The following TRABD2B variants were observed in gnomAD, a reference collection of about 807,000 sequenced individuals.
The protein encoded by TRABD2B is metalloprotease TIKI2.
TRABD2B carries 14 observed loss-of-function variants against 40.1 expected under a neutral mutation model. That is an observed-to-expected ratio of 0.35 (90% CI 0.23 to 0.55). The LOEUF is 0.55. TRABD2B is among the 20% of genes least tolerant of loss of function. The pLI, the probability that TRABD2B is intolerant of heterozygous loss-of-function variation, is 0.90. For missense variants in TRABD2B, 541 were observed against 648.6 expected (o/e 0.83, Z 1.80); for synonymous variants, 263 against 277.0 (o/e 0.95, Z 0.50).
chr1:47,994,112 C>T lies in TRABD2B; in HGVS notation c.588G>A (p.Lys196=). The T allele has an allele frequency of 6.5e-7, 1 of 1,536,284 alleles. No individual in the cohort carries two copies. The highest frequency in any genetic ancestry group is 8.7e-7 in the Non-Finnish European group (1 of 1,146,946). The change falls in exon 2 of 7, where the codon AAG becomes AAA. Residue 196 remains lysine (K), a synonymous_variant. Transcript: ENST00000606738. This position sits in a 1 kb window ranked among gnomAD's most constrained non-coding sequence, Gnocchi z 6.7. The part of the protein sequence containing the change: ...LDLYLAQQAE[K]MKKTTGAVEQ... ...CCACAGCCCCTGTGGTCTTCTTCAT[C>T]TTCTCAGCCTGCTGGGCCAGGTAGA... is the stretch of plus-strand genomic sequence containing the variant.
intron 2 of TRABD2B, among the ~76,000 whole-genome samples, chr1:47,992,866 G>A (rs544199284): frequency 2.0e-5 from 3 of 152,214 alleles, no homozygotes; most frequent in Non-Finnish European, 4.4e-5. Context: ...AGAGCCAGCA[G>A]GAGAACCGAC....
Position 47,996,773 on chromosome 1 carries a change from G to A in TRABD2B, c.17C>T (p.Ala6Val), listed in dbSNP as rs1314424341. 3 of 1,210,212 alleles carry A rather than the reference G, an allele frequency of 2.5e-6. No individual in the cohort carries two copies. The East Asian group carries it at 1.0e-4, about 41-fold the overall frequency. 75.0% of individuals were successfully genotyped at this position (1,210,212 alleles called of 1,614,324 possible). MHAAL[A>V]GPLLAALLAT... ...GAGGAGGGCGGCGAGCAGCGGCCCC[G>A]CCAGGGCGGCGTGCATCCTGCCAGG... The change falls in exon 1 of 7, where the codon GCG becomes GTG. Residue 6 changes from alanine to valine, a missense_variant. Ala to Val is a moderately conservative substitution (Grantham distance 64). Transcript: ENST00000606738. The surrounding 1 kb of genome is among the most constrained non-coding windows in gnomAD (Gnocchi z 4.6).
At chr1:47,890,351 G>C (rs1375804438) in intron 2 of TRABD2B, among the ~76,000 whole-genome samples, 1 of 152,190 alleles carries the variant, frequency 6.6e-6, no homozygotes, top group Non-Finnish European at 1.5e-5. Context: ...TGACCAGCGT[G>C]GTCATGGAGG....
At position 47,765,796 on chromosome 1, in the gene TRABD2B, G is replaced by A; in HGVS notation, c.*106C>T. On this transcript the variant is annotated 3_prime_UTR_variant, in exon 7 of 7. Coordinates refer to ENST00000606738, the MANE Select transcript of TRABD2B (RefSeq NM_001194986.2). ...GTGTCTAGCCAATCCCATGTGGACT[G>A]CCCTCGACGTGTTGGGCACCCCCTG... 4 of 701,812 alleles carry A rather than the reference G, an allele frequency of 5.7e-6. No individual in the cohort carries two copies. The highest frequency in any genetic ancestry group is 1.0e-5 in the Non-Finnish European group (4 of 384,736). The allele number at this position is 701,812 out of a possible 1,614,324, so 43.5% of individuals were successfully genotyped here. A position where few individuals can be genotyped will look rare whatever the true frequency, so the allele number is the denominator to read the frequency against.
At chr1:47,986,028 A>G (rs1355899622) in intron 2 of TRABD2B, among the ~76,000 whole-genome samples, 10 of 152,232 alleles carry the variant, frequency 6.6e-5, no homozygotes, top group Non-Finnish European at 1.0e-4. Context: ...CTGGTGCTCC[A>G]AAACCAAGAT....
Position 47,994,238 on chromosome 1 carries a change from G to T in TRABD2B, c.462C>A (p.Ile154=), listed in dbSNP as rs1269427418. 6.5e-7 allele frequency: 1 copy of T among 1,542,592 alleles called. No individual in the cohort carries two copies. Among genetic ancestry groups the T allele is most frequent in the Non-Finnish European group, 8.7e-7 (1 of 1,149,820 alleles). Residue 154 remains isoleucine, a synonymous_variant, in exon 2 of 7, where the codon ATC becomes ATA. Transcript: ENST00000606738. This position sits in a 1 kb window ranked among gnomAD's most constrained non-coding sequence, Gnocchi z 6.7. ...GLYADYLFNA[I]AGNWERKRPV... is the part of the protein sequence containing the mutation. ...GCCTCTTGCGCTCCCAGTTGCCCGC[G>T]ATGGCATTGAATAGGTAGTCAGCAT...
In TRABD2B at chr1:47,996,151, G is replaced by A. The variant is rs887851110; in HGVS notation, c.102+537C>T. On this transcript the variant is annotated intron_variant, in intron 1 of 6. Coordinates refer to ENST00000606738, the MANE Select transcript of TRABD2B (RefSeq NM_001194986.2). The surrounding 1 kb of genome is among the most constrained non-coding windows in gnomAD (Gnocchi z 4.6). ...GAAATATGGACGCTTGGGAGAGTAG[G>A]TGGTGGGAGCCTGGGCCGCAGAGAT... Among the ~76,000 whole-genome samples the A allele has an allele frequency of 3.3e-5, 5 of 152,116 alleles. No homozygotes were observed. Among genetic ancestry groups the A allele is most frequent in the Admixed American group, 3.3e-4 (5 of 15,274 alleles).
intron 2 of TRABD2B, among the ~76,000 whole-genome samples, chr1:47,893,730 T>C (rs1644481009): frequency 6.6e-6 from 1 of 152,188 alleles, no homozygotes; most frequent in Non-Finnish European, 1.5e-5. Flanking sequence ...CCTAGCGTTG[T>C]TCCAGGGACT....
chr1:47,954,327 C>T (rs1448240256), intron 2 of TRABD2B, among the ~76,000 whole-genome samples: 1 of 152,186 alleles, frequency 6.6e-6, no homozygotes, highest in Non-Finnish European at 1.5e-5. Flanking sequence ...CATTTCCCTC[C>T]CTTTCCCTGG....
At chr1:47,828,410 C>T (rs1266427134) in intron 2 of TRABD2B, among the ~76,000 whole-genome samples, 3 of 152,188 alleles carry the variant, frequency 2.0e-5, no homozygotes, top group Admixed American at 2.0e-4. Flanking sequence ...ACATCACTTG[C>T]CCCTCCTGTC....
intron 2 of TRABD2B, among the ~76,000 whole-genome samples, chr1:47,865,312 C>T (rs759611011): frequency 1.3e-5 from 2 of 151,970 alleles, no homozygotes; most frequent in African/African-American, 2.4e-5. Context: ...CTTACCCCCA[C>T]CATTCCTTCC....
chr1:47,994,005 A>G lies in TRABD2B; in HGVS notation c.666+29T>C. On this transcript the variant is annotated intron_variant, in intron 2 of 6. Coordinates refer to ENST00000606738, the MANE Select transcript of TRABD2B (RefSeq NM_001194986.2). This position sits in a 1 kb window ranked among gnomAD's most constrained non-coding sequence, Gnocchi z 6.7. ...GAGGACCCAGGTACCCAGGGCTGTC[A>G]GCTCCGGGCTGGGGCACTGCATGCC... The G allele has an allele frequency of 1.3e-6, 2 of 1,516,486 alleles. No homozygotes were observed. The highest frequency in any genetic ancestry group is 1.8e-6 in the Non-Finnish European group (2 of 1,134,346). 93.9% of individuals were successfully genotyped at this position (1,516,486 alleles called of 1,614,324 possible). A position where few individuals can be genotyped will look rare whatever the true frequency, so the allele number is the denominator to read the frequency against.
At chr1:47,801,008 G>A (rs1388029091) in intron 3 of TRABD2B, among the ~76,000 whole-genome samples, 1 of 152,186 alleles carries the variant, frequency 6.6e-6, no homozygotes, top group Non-Finnish European at 1.5e-5. Flanking sequence ...AGTCTGAGCA[G>A]GGGTGAGCCA....
intron 2 of TRABD2B, among the ~76,000 whole-genome samples, chr1:47,846,325 C>T (rs1405444552): frequency 6.6e-6 from 1 of 152,236 alleles, no homozygotes; most frequent in East Asian, 1.9e-4. Context: ...TTTCCACCTG[C>T]TCCAACTGCC....
intron 2 of TRABD2B, among the ~76,000 whole-genome samples, chr1:47,879,245 G>T (rs1375452110): frequency 6.6e-6 from 1 of 152,068 alleles, no homozygotes. Context: ...TATATAATCA[G>T]GTGCCACATA....
chr1:47,764,910 G>A lies in TRABD2B; in HGVS notation c.*992C>T, dbSNP rs1644283810. The A allele has an allele frequency of 6.6e-6, 1 of 152,228 alleles. No homozygotes were observed. The allele number at this position is 152,228 out of a possible 1,614,324, so 9.4% of individuals were successfully genotyped here. A position where few individuals can be genotyped will look rare whatever the true frequency, so the allele number is the denominator to read the frequency against. ...TCACAGAACTAGCGCAAGAATCAGT[G>A]AAGCAAGTGTGCAAAGTGCTTGCCA... On this transcript the variant is annotated 3_prime_UTR_variant, in exon 7 of 7. Coordinates refer to ENST00000606738, the MANE Select transcript of TRABD2B (RefSeq NM_001194986.2).
chr1:47,846,896 A>ACACACACACACAC (rs1557610238), intron 2 of TRABD2B, among the ~76,000 whole-genome samples: 5 of 148,346 alleles, frequency 3.4e-5, no homozygotes, highest in Admixed American at 2.0e-4. Context: ...ACACACACAC[A>ACACACACACACAC]AATGAGGGCT....
chr1:47,940,024 G>A (rs774187250), intron 2 of TRABD2B, among the ~76,000 whole-genome samples: 8 of 152,132 alleles, frequency 5.3e-5, no homozygotes, highest in African/African-American at 1.4e-4. Context: ...GGCTCCAACC[G>A]AATTTCCTAG....
At position 47,834,104 on chromosome 1, in the gene TRABD2B, AGACAAC is replaced by A. The variant is rs1268283054; in HGVS notation, c.667-32491_667-32486del. On this transcript the variant is annotated intron_variant, in intron 2 of 6. Coordinates refer to ENST00000606738, the MANE Select transcript of TRABD2B (RefSeq NM_001194986.2). ...GGAGCTCCTTCAAAATCCCATTCCC[AGACAAC>A]TATCACTGTTTGACCCATCTGATGG... Among the ~76,000 whole-genome samples the A allele has an allele frequency of 2.0e-5, 3 of 152,224 alleles. No homozygotes were observed. The East Asian group carries it at 5.8e-4, about 29-fold the overall frequency.
Sources: allele counts gnomAD v4.1 joint callset (sites outside exome capture counted in the v4.1 genomes callset), GRCh38; gene constraint gnomAD v4.1.1; non-coding constraint Gnocchi (gnomAD v3.1); transcripts MANE v1.5; gene names NCBI Gene and HGNC (gene_info 2026-07-23, HGNC 2026-07-21).